Variants in STAG1 observed in about 807,000 individuals in gnomAD.
STAG1 encodes cohesin subunit SA-1.
STAG1 carries 26 observed loss-of-function variants against 170.9 expected under a neutral mutation model. The observed-to-expected ratio is 0.15, with a 90% confidence interval of 0.11 to 0.21. STAG1 has a LOEUF of 0.21. Among genes scored for constraint, STAG1 ranks in the 10% least tolerant of loss-of-function variants. The pLI, the probability that STAG1 is intolerant of heterozygous loss-of-function variation, is 1.00. For missense variants in STAG1, 964 were observed against 1,509.5 expected, an observed-to-expected ratio of 0.64 and a Z score of 5.99; for synonymous variants, 514 against 497.7, an observed-to-expected ratio of 1.03 and a Z score of -0.44.
chr3:136,640,038 C>A (rs1180288480), intron 1 of STAG1, among the ~76,000 whole-genome samples: 1 of 152,148 alleles, frequency 6.6e-6, no homozygotes, highest in Non-Finnish European at 1.5e-5. Context: ...TCACAAAAAC[C>A]TGTAAGTTTT....
At chr3:136,473,366 T>C (rs2089671677) in intron 11 of STAG1, among the ~76,000 whole-genome samples, 173 bp downstream of exon 11, 1 of 152,094 alleles carries the variant, frequency 6.6e-6, no homozygotes, top group African/African-American at 2.4e-5. Flanking sequence ...CCCACCTTGG[T>C]CCACAGAAAA....
At chr3:136,365,885 T>G (rs1454254647) in intron 25 of STAG1, among the ~76,000 whole-genome samples, 1 of 151,810 alleles carries the variant, frequency 6.6e-6, no homozygotes, top group African/African-American at 2.4e-5. Flanking sequence ...AAAAATGAGC[T>G]GAAACAGGTA....
chr3:136,596,614 A>C (rs898774234), intron 4 of STAG1, among the ~76,000 whole-genome samples: 1 of 152,190 alleles, frequency 6.6e-6, no homozygotes, highest in Non-Finnish European at 1.5e-5. Context: ...AATCAATATA[A>C]AAAACATGAT....
rs67810422 is a variant in STAG1 at position 136,633,962 on chromosome 3, T to TAAAAAAAAAAAAAAAAAAAAAA, written c.-83-3003_-83-2982dup. ...AACATGGTGAAACCCTGTCTCTACT[T>TAAAAAAAAAAAAAAAAAAAAAA]AAAAAAAAAAAAAAAAAAAAAAAAA... On this transcript the variant is annotated intron_variant, in intron 1 of 33. Coordinates refer to ENST00000383202, the MANE Select transcript of STAG1 (RefSeq NM_005862.3). 1.4e-4 allele frequency among the ~76,000 whole-genome samples: 7 copies of TAAAAAAAAAAAAAAAAAAAAAA among 50,356 alleles called. 1 individual carries two copies. The highest frequency in any genetic ancestry group is 1.3e-3 in the South Asian group (1 of 778). The allele number at this position is 50,356 out of a possible 152,430, so 33.0% of individuals were successfully genotyped here.
intron 22 of STAG1, among the ~76,000 whole-genome samples, chr3:136,383,666 A>G (rs889998388): frequency 6.6e-6 from 1 of 152,130 alleles, no homozygotes; most frequent in Non-Finnish European, 1.5e-5. Context: ...GTATAAAGAA[A>G]CAGGCACGGC....
At chr3:136,738,079 T>G (rs1934447746) in intron 1 of STAG1, among the ~76,000 whole-genome samples, 1 of 151,772 alleles carries the variant, frequency 6.6e-6, no homozygotes, top group Non-Finnish European at 1.5e-5. Context: ...AAAAATAAAT[T>G]AATTAATAAA....
intron 1 of STAG1, among the ~76,000 whole-genome samples, chr3:136,732,904 G>T (rs9289513): frequency 0.17 from 26,458 of 151,814 alleles, 2,606 homozygotes; most frequent in Non-Finnish European, 0.22. Flanking sequence ...CACCACGCTC[G>T]GCCTCATTAA....
chr3:136,341,322 A>AT, intron 31 of STAG1, 119 bp downstream of exon 31: 2 of 667,844 alleles, frequency 3.0e-6, no homozygotes, highest in South Asian at 3.7e-5. Context: ...GCTGCATAGC[A>AT]TATCACGAAT....
At chr3:136,738,346 C>T (rs190477534) in intron 1 of STAG1, among the ~76,000 whole-genome samples, 1 of 152,120 alleles carries the variant, frequency 6.6e-6, no homozygotes, top group African/African-American at 2.4e-5. Context: ...CAAAAATTAG[C>T]AGGGCATGGT....
intron 1 of STAG1, among the ~76,000 whole-genome samples, chr3:136,674,172 AAGGAG>A (rs1559943471): frequency 5.9e-4 from 8 of 13,466 alleles, no homozygotes; most frequent in African/African-American, 2.7e-3. Flanking sequence ...GGAGGGAGGG[AAGGAG>A]GGAGGGAGGG....
At chr3:136,546,458 C>T (rs1255536792) in intron 5 of STAG1, among the ~76,000 whole-genome samples, 2 of 152,122 alleles carry the variant, frequency 1.3e-5, no homozygotes, top group Admixed American at 6.5e-5. Context: ...AAAAATTACA[C>T]ATTAGAGACA....
At chr3:136,628,625 T>C (rs1039311162) in intron 2 of STAG1, among the ~76,000 whole-genome samples, 1 of 152,224 alleles carries the variant, frequency 6.6e-6, no homozygotes, top group Non-Finnish European at 1.5e-5. Context: ...AAAAGTAGAC[T>C]AAACAAAGGC....
intron 5 of STAG1, among the ~76,000 whole-genome samples, chr3:136,564,995 AAGGAAGGAAGGAAGGAAGGCAGGCAGGC>A (rs1937001599): frequency 2.5e-5 from 2 of 80,892 alleles, no homozygotes; most frequent in Non-Finnish European, 4.6e-5. Context: ...GGAAGGAAGG[AAGGAAGGAAGGAAGGAAGGCAGGCAGGC>A]AGGCAGGCAG....
intron 23 of STAG1, among the ~76,000 whole-genome samples, chr3:136,373,242 CTTCT>C (rs1937443538): frequency 6.6e-6 from 1 of 151,902 alleles, no homozygotes; most frequent in Admixed American, 6.6e-5. Flanking sequence ...TCTCTCTTTT[CTTCT>C]TTATTAGTCT....
intron 25 of STAG1, among the ~76,000 whole-genome samples, chr3:136,364,439 T>C (rs916813496): frequency 3.9e-4 from 59 of 151,688 alleles, no homozygotes; most frequent in Non-Finnish European, 8.1e-4. Flanking sequence ...GATCAAGAAA[T>C]AGAATTTTGG....
At chr3:136,559,101 T>G (rs1395479627) in intron 5 of STAG1, among the ~76,000 whole-genome samples, 1 of 150,346 alleles carries the variant, frequency 6.7e-6, no homozygotes, top group Non-Finnish European at 1.5e-5. Flanking sequence ...TTAAAAGGAT[T>G]TAAGAAAGAT....
chr3:136,426,366 C>T (rs577888470), intron 16 of STAG1, among the ~76,000 whole-genome samples: 3 of 152,120 alleles, frequency 2.0e-5, no homozygotes, highest in Non-Finnish European at 2.9e-5. Flanking sequence ...GAGCCGAGAT[C>T]GCGCCACTGC....
chr3:136,716,798 T>C (rs1418229148), intron 1 of STAG1, among the ~76,000 whole-genome samples: 1 of 152,250 alleles, frequency 6.6e-6, no homozygotes, highest in South Asian at 2.1e-4. Context: ...GTGGAAAGTA[T>C]ACCATGGTGG....
At chr3:136,455,128 T>C (rs895089156) in intron 13 of STAG1, among the ~76,000 whole-genome samples, 1 of 152,258 alleles carries the variant, frequency 6.6e-6, no homozygotes, top group African/African-American at 2.4e-5. Flanking sequence ...CTTATCCTTC[T>C]GGATTTCTGT....
Sources: gnomAD v4.1 joint callset for allele counts (sites outside exome capture counted in the v4.1 genomes callset) on GRCh38, gnomAD v4.1.1 for gene constraint, MANE v1.5 for transcripts, NCBI Gene and HGNC (gene_info 2026-07-23, HGNC 2026-07-21) for gene names.